Variants in DIXDC1 observed in about 807,000 individuals in gnomAD.
DIXDC1 encodes the protein DIX domain containing 1, also known as dixin.
Under a neutral mutation model 103.1 loss-of-function variants are expected in DIXDC1, and 64 were observed. The observed-to-expected ratio is 0.62, with a 90% CI of 0.51 to 0.76. The LOEUF (loss-of-function observed/expected upper bound fraction) is 0.76, where lower values mean the gene tolerates loss of function less well. DIXDC1 is among the 30% of genes least tolerant of loss of function. DIXDC1 has a pLI of 0.00. For missense variants in DIXDC1, 759 were observed against 834.2 expected, an observed-to-expected ratio of 0.91 and a Z score of 1.11; for synonymous variants, 266 against 298.5, an observed-to-expected ratio of 0.89 and a Z score of 1.12.
At chr11:111,929,086 G>C (rs1379339914) in intron 1 of DIXDC1, among the ~76,000 whole-genome samples, 2 of 152,124 alleles carry the variant, frequency 1.3e-5, no homozygotes, top group Non-Finnish European at 2.9e-5. Context: ...GGCTGAGGCA[G>C]GAGAATCGCT....
rs1859452159 is a variant in DIXDC1, at chr11:111,958,216, C to T, written c.61-6333C>T. On this transcript the variant is annotated intron_variant, in intron 1 of 19. Transcript: ENST00000440460. The surrounding 1 kb of genome is among the most constrained non-coding windows in gnomAD (Gnocchi z 4.2). ...GGCCTCCCGGGCACAGCTGCAGCCA[C>T]CCAAACCATGGCTGTGGACCAGGCA... 6.7e-6 allele frequency among the ~76,000 whole-genome samples: 1 copy of T among 150,166 alleles called. No individual in the cohort carries two copies. Among genetic ancestry groups the T allele is most frequent in the Non-Finnish European group, 1.5e-5 (1 of 67,358 alleles).
intron 10 of DIXDC1, among the ~76,000 whole-genome samples, chr11:111,990,940 C>T (rs587597570): frequency 1.9e-4 from 29 of 152,026 alleles, no homozygotes; most frequent in African/African-American, 6.8e-4. Context: ...CTCCTGACCT[C>T]GTGATCCGCC....
chr11:111,977,830 G>A lies in DIXDC1; in HGVS notation c.656+2847G>A, dbSNP rs782355082. ...GCCACTCTGGCTTTGGAAGTGGGGG[G>A]CCTGGGTGGGAACAGGGGCAGGGCT... On this transcript the variant is annotated intron_variant, in intron 5 of 19. Transcript: ENST00000440460. This position sits in a 1 kb window ranked among gnomAD's most constrained non-coding sequence, Gnocchi z 6.1. The A allele has an allele frequency of 1.3e-6, 2 of 1,541,616 alleles. No homozygotes were observed. Among genetic ancestry groups the A allele is most frequent in the Non-Finnish European group, 1.8e-6 (2 of 1,142,690 alleles).
intron 1 of DIXDC1, among the ~76,000 whole-genome samples, chr11:111,950,503 T>C (rs1966769588): frequency 7.8e-6 from 1 of 127,902 alleles, no homozygotes; most frequent in South Asian, 3.1e-4. Context: ...TCGCCCAGGC[T>C]GGAGTGCAAT....
intron 1 of DIXDC1, among the ~76,000 whole-genome samples, chr11:111,956,393 T>C (rs1859367327): frequency 6.6e-6 from 1 of 152,170 alleles, no homozygotes; most frequent in Admixed American, 6.5e-5. Flanking sequence ...TTTAAAAAAA[T>C]GACCTAGGCA....
Position 111,996,127 on chromosome 11 carries a change from G to T in DIXDC1, c.1737G>T (p.Glu579Asp). 1 of 1,613,734 alleles carries T rather than the reference G, an allele frequency of 6.2e-7. No individual in the cohort carries two copies. Among genetic ancestry groups the T allele is most frequent in the Non-Finnish European group, 8.5e-7 (1 of 1,179,778 alleles). The change falls in exon 17 of 20, where the codon GAG becomes GAT. Residue 579 changes from glutamate (E) to aspartate (D), a missense_variant. Glu to Asp is a conservative substitution (Grantham distance 45). Around this residue, in one of 3 missense-constraint regions of DIXDC1, gnomAD observed 657 missense variants for 727.5 expected, o/e 0.90. Coordinates refer to ENST00000440460, the MANE Select transcript of DIXDC1 (RefSeq NM_001037954.4). ...CTCAAGTAGGTAGTGAATACCGGGA[G>T]TCCTGGCCCCCTAACTCAAGTAAGT... ...PRTQVGSEYRESWPPNSKLPH... is the reference protein window; with the variant it reads ...PRTQVGSEYRDSWPPNSKLPH...
At position 111,937,495 on chromosome 11, in the gene DIXDC1, G is replaced by C; in HGVS notation, c.-5G>C. 1 of 1,583,800 alleles carries C rather than the reference G, an allele frequency of 6.3e-7. No homozygotes were observed. Among genetic ancestry groups the C allele is most frequent in the Non-Finnish European group, 8.6e-7 (1 of 1,165,532 alleles). On this transcript the variant is annotated 5_prime_UTR_variant, in exon 1 of 20. Transcript: ENST00000440460. ...ACCCCGCCCGGGGAGCCCCCAGCAG[G>C]AACAATGCTAGCCTGCCTGACCCGA...
chr11:112,013,354 T>G, intron 17 of DIXDC1, among the ~76,000 whole-genome samples: 1 of 147,598 alleles, frequency 6.8e-6, no homozygotes, highest in Non-Finnish European at 1.5e-5. Context: ...ACAAATTCAG[T>G]CCATAGCAAT....
intron 17 of DIXDC1, among the ~76,000 whole-genome samples, chr11:112,006,769 A>C (rs903866828): frequency 9.9e-5 from 15 of 152,234 alleles, no homozygotes; most frequent in Non-Finnish European, 1.5e-4. Flanking sequence ...CAGCATCCAC[A>C]AAAAGGACAT....
At chr11:112,016,874 G>C in intron 18 of DIXDC1, 78 bp downstream of exon 18, 1 of 1,238,900 alleles carries the variant, frequency 8.1e-7, no homozygotes, top group Middle Eastern at 1.9e-4. Context: ...GCCCACATGA[G>C]CAGCTGAAAG....
chr11:111,945,499 C>A lies in DIXDC1; in HGVS notation c.60+7940C>A, dbSNP rs1592547263. Reference sequence around the variant, plus strand: ...GAGGGAATCATTGTGGGCTGGGCAGCTACCCCAGGAGCTGTTAGCTACACT... The same window carrying A: ...GAGGGAATCATTGTGGGCTGGGCAGATACCCCAGGAGCTGTTAGCTACACT... On this transcript the variant is annotated intron_variant, in intron 1 of 19. Transcript: ENST00000440460. The A allele has an allele frequency of 3.3e-5, 5 of 152,220 alleles. No individual in the cohort carries two copies. In the East Asian group the frequency reaches 9.6e-4, roughly 29 times the overall value. 9.4% of individuals were successfully genotyped at this position (152,220 alleles called of 1,614,324 possible).
chr11:111,933,060 C>T (rs1482566341), upstream of DIXDC1, among the ~76,000 whole-genome samples: 1 of 152,182 alleles, frequency 6.6e-6, no homozygotes, highest in Non-Finnish European at 1.5e-5. Context: ...TAAAGATTCA[C>T]ATTCCTAAAT....
chr11:111,945,032 A>G (rs1966546450), intron 1 of DIXDC1, among the ~76,000 whole-genome samples: 1 of 152,194 alleles, frequency 6.6e-6, no homozygotes, highest in Non-Finnish European at 1.5e-5. Context: ...ACTAGCAGGG[A>G]TAGGAAGTGG....
At chr11:111,932,709 TTCTG>T (rs1156544104), upstream of DIXDC1, among the ~76,000 whole-genome samples, 7 of 152,202 alleles carry the variant, frequency 4.6e-5, no homozygotes, top group Admixed American at 3.9e-4. Flanking sequence ...TCTTTCACCA[TTCTG>T]TCTTTCTCCC....
Position 111,990,562 on chromosome 11 carries a change from G to A in DIXDC1, c.1113+1507G>A, listed in dbSNP as rs116843758. Among the ~76,000 whole-genome samples the A allele has an allele frequency of 2.5e-3, 378 of 152,100 alleles. 10 individuals carry two copies. The East Asian group carries it at 0.066, about 27-fold the overall frequency. On this transcript the variant is annotated intron_variant, in intron 10 of 19. Coordinates refer to ENST00000440460, the MANE Select transcript of DIXDC1 (RefSeq NM_001037954.4). The stretch of plus-strand genomic sequence containing the variant: ...CAGTAGTACATAAAGACTTTCCTAG[G>A]TCTTTTTTATGGCTGCATAGTATTC...
At chr11:111,938,178 G>A (rs1309712360) in intron 1 of DIXDC1, among the ~76,000 whole-genome samples, 2 of 152,226 alleles carry the variant, frequency 1.3e-5, no homozygotes, top group South Asian at 2.1e-4. Flanking sequence ...TGAGAGCAGA[G>A]GAACTGGGGC....
In DIXDC1 at chr11:112,022,261, T is replaced by A. The variant is rs1423839276; in HGVS notation, c.*3225T>A. On this transcript the variant is annotated 3_prime_UTR_variant, in exon 20 of 20. Coordinates refer to ENST00000440460, the MANE Select transcript of DIXDC1 (RefSeq NM_001037954.4). The surrounding 1 kb of genome is among the most constrained non-coding windows in gnomAD (Gnocchi z 4.9). ...AGCATTTAGGTCATAATTAAAATTA[T>A]TTTCACTGTTTCCATAAAATAAGCA... 6.6e-6 allele frequency: 1 copy of A among 152,188 alleles called. No homozygotes were observed. The highest frequency in any genetic ancestry group is 1.5e-5 in the Non-Finnish European group (1 of 68,030). The allele number at this position is 152,188 out of a possible 1,614,324, so 9.4% of individuals were successfully genotyped here. A position where few individuals can be genotyped will look rare whatever the true frequency, so the allele number is the denominator to read the frequency against.
At chr11:111,950,388 T>TA (rs1407373808) in intron 1 of DIXDC1, among the ~76,000 whole-genome samples, 24 of 136,944 alleles carry the variant, frequency 1.8e-4, no homozygotes, top group Non-Finnish European at 3.3e-4. Flanking sequence ...TATTTTTTTT[T>TA]ATTTTTGTGG....
intron 12 of DIXDC1, 47 bp downstream of exon 12, chr11:111,993,051 G>A: frequency 1.3e-6 from 2 of 1,552,590 alleles, no homozygotes; most frequent in Non-Finnish European, 8.8e-7. Context: ...GACTTTTCAT[G>A]AACAGCCCGT....
Sources: allele counts gnomAD v4.1 joint callset (sites outside exome capture counted in the v4.1 genomes callset), GRCh38; gene constraint gnomAD v4.1.1; regional missense constraint gnomAD v4.1.1; non-coding constraint Gnocchi (gnomAD v3.1); transcripts MANE v1.5; gene names NCBI Gene and HGNC (gene_info 2026-07-23, HGNC 2026-07-21).